The following NTN1 variants were observed in gnomAD, a reference collection of about 807,000 sequenced individuals.
The protein encoded by NTN1 is netrin-1.
NTN1 carries 11 observed loss-of-function variants against 54.2 expected under a neutral mutation model. The observed-to-expected ratio is 0.20, with a 90% CI of 0.13 to 0.34. NTN1 has a LOEUF of 0.34. NTN1 is among the 10% of genes least tolerant of loss of function. NTN1 has a pLI of 1.00. For synonymous variants in NTN1, 371 were observed against 382.0 expected (o/e 0.97, Z 0.33); for missense variants, 740 against 893.1 (o/e 0.83, Z 2.18).
In NTN1 at chr17:9,074,513, G is replaced by A. The variant is rs569372186; in HGVS notation, c.1018+51122G>A. 3.3e-5 allele frequency among the ~76,000 whole-genome samples: 5 copies of A among 152,322 alleles called. No individual in the cohort carries two copies. In the South Asian group the frequency reaches 8.3e-4, roughly 25 times the overall value. ...TTCATGACTTGTTGGCTTCAGAGGCGTGACTGTGAAGAATGGAGCTGACAT... is the reference window on the plus strand; with the variant it reads ...TTCATGACTTGTTGGCTTCAGAGGCATGACTGTGAAGAATGGAGCTGACAT... On this transcript the variant is annotated intron_variant, in intron 2 of 6. Transcript: ENST00000173229.
chr17:9,153,133 G>A (rs373997112), intron 2 of NTN1, among the ~76,000 whole-genome samples: 11 of 152,252 alleles, frequency 7.2e-5, no homozygotes, highest in African/African-American at 2.6e-4. Flanking sequence ...GCCAGGTGTG[G>A]TGGCACGCAC....
At chr17:9,126,074 T>A (rs2092246142) in intron 2 of NTN1, among the ~76,000 whole-genome samples, 2 of 152,248 alleles carry the variant, frequency 1.3e-5, no homozygotes, top group Admixed American at 1.3e-4. Context: ...GATGGCTGAA[T>A]GAACGACGCA....
intron 2 of NTN1, among the ~76,000 whole-genome samples, chr17:9,087,982 G>A (rs2092095097): frequency 6.6e-6 from 1 of 152,220 alleles, no homozygotes; most frequent in Non-Finnish European, 1.5e-5. Flanking sequence ...CCAGGAGGCT[G>A]AATGGAGCCA....
At chr17:9,005,739 G>T in the NTN1 span, among the ~76,000 whole-genome samples, 1 of 152,204 alleles carries the variant, frequency 6.6e-6, no homozygotes, top group Non-Finnish European at 1.5e-5. Flanking sequence ...TCTAGGAGAT[G>T]CTCCAGTATC....
chr17:9,153,431 A>C (rs1289515398), intron 2 of NTN1, among the ~76,000 whole-genome samples: 32 of 152,198 alleles, frequency 2.1e-4, no homozygotes, highest in Non-Finnish European at 2.9e-5. Flanking sequence ...CCTGGGCAAC[A>C]GAACAAGACT....
chr17:9,049,693 A>G (rs9894002), intron 2 of NTN1, among the ~76,000 whole-genome samples: 29,447 of 152,220 alleles, frequency 0.19, 3,550 homozygotes, highest in African/African-American at 0.34. Flanking sequence ...GGAGGAGACT[A>G]AGGAGACGTG....
intron 2 of NTN1, among the ~76,000 whole-genome samples, chr17:9,112,118 C>T (rs745761057): frequency 1.3e-5 from 2 of 152,206 alleles, no homozygotes; most frequent in Non-Finnish European, 2.9e-5. Flanking sequence ...CTAGCTGTGC[C>T]CATTGATCTG....
rs569008128 is a variant in NTN1, at chr17:9,064,154, A to C, written c.1018+40763A>C. ...ACATTCCATGGGGAGGAAAGTGAAT[A>C]GTTGTTTAGGGTCGTTTGTATGTAA... On this transcript the variant is annotated intron_variant, in intron 2 of 6. Transcript: ENST00000173229. Among the ~76,000 whole-genome samples, 8 of 152,232 alleles carry C rather than the reference A, an allele frequency of 5.3e-5. No homozygotes were observed. The South Asian group carries it at 6.2e-4, about 12-fold the overall frequency.
At chr17:9,147,188 G>A (rs745509493) in intron 2 of NTN1, among the ~76,000 whole-genome samples, 5 of 152,148 alleles carry the variant, frequency 3.3e-5, no homozygotes, top group Admixed American at 6.5e-5. Flanking sequence ...GTCCCTCCCC[G>A]TAAGGACTCA....
At position 9,092,050 on chromosome 17, in the gene NTN1, C is replaced by T. The variant is rs540526223; in HGVS notation, c.1018+68659C>T. On this transcript the variant is annotated intron_variant, in intron 2 of 6. Coordinates refer to ENST00000173229, the MANE Select transcript of NTN1 (RefSeq NM_004822.3). The stretch of plus-strand genomic sequence containing the variant: ...GATTACAGGCATGCACCACCACGTC[C>T]GGCTAATTTTTGTATTTTTAGTAGA... Among the ~76,000 whole-genome samples the T allele has an allele frequency of 6.1e-4, 92 of 151,738 alleles. 1 individual carries two copies. The South Asian group carries it at 0.015, about 24-fold the overall frequency.
chr17:9,060,687 G>C (rs34380567), intron 2 of NTN1, among the ~76,000 whole-genome samples: 47,146 of 151,980 alleles, frequency 0.31, 7,491 homozygotes, highest in East Asian at 0.42. Context: ...GGATAAAAAG[G>C]AGTAGGCAGC....
intron 2 of NTN1, among the ~76,000 whole-genome samples, chr17:9,031,776 C>T (rs1372392910): frequency 6.6e-6 from 1 of 152,024 alleles, no homozygotes; most frequent in African/African-American, 2.4e-5. Flanking sequence ...GAAACCTCAT[C>T]TCTACTAAAA....
At chr17:9,188,741 A>G (rs1181347013) in intron 5 of NTN1, among the ~76,000 whole-genome samples, 1 of 151,984 alleles carries the variant, frequency 6.6e-6, no homozygotes, top group Non-Finnish European at 1.5e-5. Context: ...CCCCTTTTGG[A>G]GTCATCTTAG....
intron 2 of NTN1, among the ~76,000 whole-genome samples, chr17:9,026,368 T>G (rs1209367522): frequency 7.3e-6 from 1 of 137,560 alleles, no homozygotes; most frequent in Non-Finnish European, 1.5e-5. Flanking sequence ...AGTTATACTT[T>G]AAATGCAGTT....
At chr17:9,132,731 A>G (rs866426084) in intron 2 of NTN1, among the ~76,000 whole-genome samples, 13 of 152,166 alleles carry the variant, frequency 8.5e-5, no homozygotes, top group African/African-American at 1.9e-4. Context: ...AAAATTAGCC[A>G]GGTGCAGTGA....
At chr17:9,121,490 G>C (rs2092231642) in intron 2 of NTN1, among the ~76,000 whole-genome samples, 1 of 151,990 alleles carries the variant, frequency 6.6e-6, no homozygotes, top group South Asian at 2.1e-4. Flanking sequence ...TTTTCTCTCT[G>C]TGACCTCTTG....
intron 2 of NTN1, among the ~76,000 whole-genome samples, chr17:9,068,368 A>G (rs114257244): frequency 0.04 from 6,124 of 152,152 alleles, 417 homozygotes; most frequent in African/African-American, 0.14. Context: ...AAATTTTTGT[A>G]GAGACGAGGT....
At chr17:9,229,397 C>A (rs1905729805) in intron 6 of NTN1, among the ~76,000 whole-genome samples, 1 of 104,610 alleles carries the variant, frequency 9.6e-6, no homozygotes, top group South Asian at 3.5e-4. Flanking sequence ...TCCACACACA[C>A]CTTGTGAGGG....
At chr17:9,203,038 C>T (rs2142338911) in intron 5 of NTN1, among the ~76,000 whole-genome samples, 1 of 152,350 alleles carries the variant, frequency 6.6e-6, no homozygotes, top group South Asian at 2.1e-4. Flanking sequence ...TCTCCTGCCT[C>T]AGCCTCCCGA....
Sources: gnomAD v4.1 joint callset for allele counts (sites outside exome capture counted in the v4.1 genomes callset) on GRCh38, gnomAD v4.1.1 for gene constraint, MANE v1.5 for transcripts, NCBI Gene and HGNC (gene_info 2026-07-23, HGNC 2026-07-21) for gene names.